GPHN: variants seen among roughly 807,000 people sequenced by gnomAD.
The protein encoded by GPHN is gephyrin.
Under a neutral mutation model 95.5 loss-of-function variants are expected in GPHN, and 17 were observed. The observed-to-expected ratio is 0.18, with a 90% CI of 0.12 to 0.27. The LOEUF is 0.27. Ranked by LOEUF, GPHN falls within the 10% of genes least tolerant of loss-of-function variation. The probability of loss-of-function intolerance (pLI) is 1.00; values close to 1 mark genes in which losing one functional copy is unlikely to be tolerated. For synonymous variants in GPHN, 320 were observed against 322.5 expected, an observed-to-expected ratio of 0.99 and a Z score of 0.08; for missense variants, 660 against 978.1, an observed-to-expected ratio of 0.67 and a Z score of 4.34.
intron 4 of GPHN, among the ~76,000 whole-genome samples, chr14:66,825,243 T>C (rs2061347318): frequency 1.3e-5 from 2 of 152,128 alleles, no homozygotes; most frequent in African/African-American, 4.8e-5. Flanking sequence ...GAGCTATACA[T>C]AAAATTACAT....
the GPHN span, chr14:67,270,478 A>C: frequency 6.6e-6 from 1 of 151,988 alleles, no homozygotes; most frequent in Non-Finnish European, 1.5e-5. Flanking sequence ...GAAGAAAAGA[A>C]TTAGGGCCAG....
At chr14:66,686,726 A>G (rs543391983) in intron 2 of GPHN, among the ~76,000 whole-genome samples, 2 of 152,130 alleles carry the variant, frequency 1.3e-5, no homozygotes, top group Non-Finnish European at 2.9e-5. Context: ...TCTTTTCCTA[A>G]TTGAATACCC....
intron 1 of GPHN, among the ~76,000 whole-genome samples, chr14:66,675,872 T>C (rs1018291088): frequency 6.6e-6 from 1 of 152,200 alleles, no homozygotes; most frequent in African/African-American, 2.4e-5. Context: ...TTAGCAGGTA[T>C]TGACTGCAAA....
the GPHN span, among the ~76,000 whole-genome samples, chr14:67,638,264 C>A: frequency 1.3e-5 from 2 of 152,066 alleles, no homozygotes; most frequent in Non-Finnish European, 2.9e-5. Context: ...TGGCTCACAT[C>A]TGTAATCCTA....
chr14:67,427,145 G>A, the GPHN span, among the ~76,000 whole-genome samples: 1 of 152,154 alleles, frequency 6.6e-6, no homozygotes, highest in African/African-American at 2.4e-5. Context: ...GCTTCAGGCG[G>A]CTGATGACTA....
chr14:67,116,698 A>C (rs1311107901), intron 16 of GPHN, among the ~76,000 whole-genome samples: 1 of 152,206 alleles, frequency 6.6e-6, no homozygotes, highest in African/African-American at 2.4e-5. Context: ...GACAGGTTTT[A>C]AGCCAATCAA....
chr14:66,926,330 G>A (rs1299838555), intron 8 of GPHN, among the ~76,000 whole-genome samples: 1 of 152,134 alleles, frequency 6.6e-6, no homozygotes, highest in Non-Finnish European at 1.5e-5. Flanking sequence ...CCAATGTCCT[G>A]GAGAGTTTTC....
Position 66,817,352 on chromosome 14 carries a change from T to G in GPHN, c.202-7122T>G, listed in dbSNP as rs555351423. ...TCTTAAGACTTTGTGCCAATTTATT[T>G]AAATATAATACATCAAGCTTACCTT... On this transcript the variant is annotated intron_variant, in intron 3 of 22. Coordinates refer to ENST00000478722, the MANE Select transcript of GPHN (RefSeq NM_020806.5). Among the ~76,000 whole-genome samples, 4 of 152,242 alleles carry G rather than the reference T, an allele frequency of 2.6e-5. 1 individual carries two copies. Among genetic ancestry groups the G allele is most frequent in the African/African-American group, 9.6e-5 (4 of 41,556 alleles).
intron 2 of GPHN, among the ~76,000 whole-genome samples, chr14:66,761,673 T>C (rs8012451): frequency 0.3 from 45,441 of 149,520 alleles, 10,455 homozygotes; most frequent in African/African-American, 0.63. Flanking sequence ...TTTTTTTTTT[T>C]TTTTGAGATG....
chr14:66,552,964 CTTT>C (rs1015420389), intron 1 of GPHN, among the ~76,000 whole-genome samples: 1 of 143,064 alleles, frequency 7.0e-6, no homozygotes, highest in Admixed American at 7.0e-5. Flanking sequence ...GGCTAAACTT[CTTT>C]TTTTTTTTCT....
chr14:66,615,252 G>A (rs2062957316), intron 1 of GPHN, among the ~76,000 whole-genome samples: 1 of 152,108 alleles, frequency 6.6e-6, no homozygotes, highest in African/African-American at 2.4e-5. Context: ...GGGTCAAATG[G>A]TATTTCTGGT....
chr14:67,615,395 A>C, the GPHN span: 1 of 169,080 alleles, frequency 5.9e-6, no homozygotes, highest in African/African-American at 2.4e-5. Flanking sequence ...TAGGCAGTAC[A>C]TTGAGCTCCA....
intron 1 of GPHN, among the ~76,000 whole-genome samples, chr14:66,548,259 C>A (rs1181841045): frequency 6.6e-6 from 1 of 150,392 alleles, no homozygotes; most frequent in African/African-American, 2.5e-5. Flanking sequence ...CGGCTCACTG[C>A]AACCTCTTCC....
At chr14:67,103,270 G>A (rs942014319) in intron 13 of GPHN, among the ~76,000 whole-genome samples, 12 of 152,070 alleles carry the variant, frequency 7.9e-5, no homozygotes, top group African/African-American at 2.9e-4. Context: ...TAGCTTTGTA[G>A]TATATTTTGA....
At chr14:67,395,332 G>A in the GPHN span, 2 of 1,426,658 alleles carry the variant, frequency 1.4e-6, no homozygotes, top group Non-Finnish European at 9.7e-7. Flanking sequence ...CCCCCCAAGG[G>A]GCAGGGTCCC....
chr14:66,816,904 C>A (rs1365700655), intron 3 of GPHN, among the ~76,000 whole-genome samples: 1 of 152,080 alleles, frequency 6.6e-6, no homozygotes, highest in Non-Finnish European at 1.5e-5. Flanking sequence ...TGTAAACTTA[C>A]TCTCTCTTAG....
chr14:67,399,745 T>A, the GPHN span, among the ~76,000 whole-genome samples: 1 of 151,362 alleles, frequency 6.6e-6, no homozygotes. Context: ...GTGGCAGGAA[T>A]AAAGAGAAGG....
the GPHN span, among the ~76,000 whole-genome samples, chr14:67,291,752 G>C: frequency 6.6e-6 from 1 of 152,128 alleles, no homozygotes; most frequent in Non-Finnish European, 1.5e-5. Flanking sequence ...AGAAGTGCCT[G>C]GTAATTGTGA....
At chr14:67,525,310 T>C in the GPHN span, among the ~76,000 whole-genome samples, 1 of 152,208 alleles carries the variant, frequency 6.6e-6, no homozygotes, top group Non-Finnish European at 1.5e-5. Flanking sequence ...TTGCTTCACT[T>C]GACATTAAGT....
Sources: allele counts gnomAD v4.1 joint callset (sites outside exome capture counted in the v4.1 genomes callset), GRCh38; gene constraint gnomAD v4.1.1; transcripts MANE v1.5; gene names NCBI Gene and HGNC (gene_info 2026-07-23, HGNC 2026-07-21).